Variants in ATP2B2 observed in about 807,000 individuals in gnomAD.
The protein encoded by ATP2B2 is ATPase plasma membrane Ca2+ transporting 2, also known as plasma membrane calcium-transporting ATPase 2.
A neutral mutation model predicts 120.0 loss-of-function variants in ATP2B2; 15 were observed. That is an observed-to-expected ratio of 0.12 (90% CI 0.08 to 0.19). The LOEUF (loss-of-function observed/expected upper bound fraction) is 0.19, where lower values mean the gene tolerates loss of function less well. Ranked by LOEUF, ATP2B2 falls within the 10% of genes least tolerant of loss-of-function variation. ATP2B2 has a pLI of 1.00. For missense variants in ATP2B2, 1,045 were observed against 1,719.8 expected (o/e 0.61, Z 6.94); for synonymous variants, 694 against 700.3 (o/e 0.99, Z 0.14).
At chr3:10,494,984 G>A (rs1417279376) in intron 1 of ATP2B2, among the ~76,000 whole-genome samples, 1 of 152,214 alleles carries the variant, frequency 6.6e-6, no homozygotes, top group Non-Finnish European at 1.5e-5. Flanking sequence ...GCTGGCAGGT[G>A]CTTAAGACAT....
At chr3:10,348,273 C>T (rs951457550) in intron 16 of ATP2B2, among the ~76,000 whole-genome samples, 6 of 152,310 alleles carry the variant, frequency 3.9e-5, no homozygotes, top group East Asian at 1.9e-4. Context: ...TTCTCAGACC[C>T]GCACCTGGCA....
chr3:10,383,385 C>A (rs2061585525), intron 8 of ATP2B2, among the ~76,000 whole-genome samples: 1 of 152,206 alleles, frequency 6.6e-6, no homozygotes, highest in South Asian at 2.1e-4. Context: ...AGGCTCTGAG[C>A]AGTCCTGTAA....
intron 1 of ATP2B2, among the ~76,000 whole-genome samples, chr3:10,652,849 A>C (rs191994733): frequency 6.6e-6 from 1 of 152,210 alleles, no homozygotes; most frequent in Non-Finnish European, 1.5e-5. Context: ...TCGCAAGAGG[A>C]CAAATACTGT....
In ATP2B2 at chr3:10,346,787, A is replaced by G. The variant is rs1436154636; in HGVS notation, c.2405-650T>C. On this transcript the variant is annotated intron_variant, in intron 16 of 22. Transcript: ENST00000360273. The surrounding 1 kb of genome is among the most constrained non-coding windows in gnomAD (Gnocchi z 4.1). ...GTGGAGTTTGTGGGACTCCTCATTC[A>G]TGGGGCTTGCGAGCAGGGATGTCCA... Among the ~76,000 whole-genome samples, 1 of 152,178 alleles carries G rather than the reference A, an allele frequency of 6.6e-6. No homozygotes were observed. Among genetic ancestry groups the G allele is most frequent in the Non-Finnish European group, 1.5e-5 (1 of 68,020 alleles).
chr3:10,553,889 G>A (rs746295079), intron 2 of ATP2B2, among the ~76,000 whole-genome samples: 8 of 152,002 alleles, frequency 5.3e-5, no homozygotes, highest in Admixed American at 2.0e-4. Flanking sequence ...CACTCAATAG[G>A]CATCCTTGAG....
At chr3:10,472,288 A>G (rs985483961) in intron 1 of ATP2B2, among the ~76,000 whole-genome samples, 1 of 152,124 alleles carries the variant, frequency 6.6e-6, no homozygotes, top group Non-Finnish European at 1.5e-5. Context: ...GTCTTTGGTC[A>G]AGGCACTGGT....
At chr3:10,417,264 G>C (rs935493633) in intron 2 of ATP2B2, among the ~76,000 whole-genome samples, 5 of 151,290 alleles carry the variant, frequency 3.3e-5, no homozygotes, top group African/African-American at 1.2e-4. Flanking sequence ...TCACTTCCCA[G>C]AGAGTGTGGG....
chr3:10,332,144 C>G, intron 22 of ATP2B2: 1 of 930,912 alleles, frequency 1.1e-6, no homozygotes, highest in South Asian at 1.4e-5. Flanking sequence ...AATTAGTTAC[C>G]AAAACGCTAA....
At position 10,346,036 on chromosome 3, in the gene ATP2B2, C is replaced by T. The variant is rs748989820; in HGVS notation, c.2506G>A (p.Ala836Thr). The change falls in exon 17 of 23, where the codon GCC becomes ACC. Residue 836 changes from alanine to threonine, a missense_variant. Ala to Thr is a moderately conservative substitution (Grantham distance 58, BLOSUM62 0). Transcript: ENST00000360273. The surrounding 1 kb of genome is among the most constrained non-coding windows in gnomAD (Gnocchi z 4.1). Reference sequence around the variant, plus strand: ...CCTCTGTGGGCCGTTCCTACCATGGCGAAGCCCACGTCGGCCTTCTTGAGT... The same window carrying T: ...CCTCTGTGGGCCGTTCCTACCATGGTGAAGCCCACGTCGGCCTTCTTGAGT... ...PALKKADVGF[A>T]MGIAGTDVAK... 3.1e-6 allele frequency: 5 copies of T among 1,611,184 alleles called. No homozygotes were observed. The highest frequency in any genetic ancestry group is 1.7e-5 in the Admixed American group (1 of 59,998).
chr3:10,346,222 G>T lies in ATP2B2; in HGVS notation c.2405-85C>A. The T allele has an allele frequency of 1.5e-6, 2 of 1,302,294 alleles. No individual in the cohort carries two copies. Among genetic ancestry groups the T allele is most frequent in the Non-Finnish European group, 2.2e-6 (2 of 918,754 alleles). 80.7% of individuals were successfully genotyped at this position (1,302,294 alleles called of 1,614,324 possible). ...AGCCCTGGTCCTCGGGAGGGGCCTG[G>T]CTGGGCATGGCTTCCTCTCTGGTCC... On this transcript the variant is annotated intron_variant, in intron 16 of 22. Coordinates refer to ENST00000360273, the MANE Select transcript of ATP2B2 (RefSeq NM_001001331.4). This position sits in a 1 kb window ranked among gnomAD's most constrained non-coding sequence, Gnocchi z 4.1.
At chr3:10,358,502 C>T (rs2060803668) in intron 14 of ATP2B2, among the ~76,000 whole-genome samples, 189 bp downstream of exon 14, 1 of 152,228 alleles carries the variant, frequency 6.6e-6, no homozygotes, top group Non-Finnish European at 1.5e-5. Flanking sequence ...TCTGGGCCGA[C>T]CCATGCCACA....
intron 2 of ATP2B2, among the ~76,000 whole-genome samples, chr3:10,440,140 C>CT (rs1402393577): frequency 7.3e-6 from 1 of 136,950 alleles, no homozygotes; most frequent in Non-Finnish European, 1.6e-5. Flanking sequence ...AGGAGTGTCT[C>CT]TGTCTCTGGT....
At position 10,402,140 on chromosome 3, in the gene ATP2B2, C is replaced by G. The variant is rs749812718; in HGVS notation, c.606G>C (p.Gln202His). Residue 202 changes from glutamine to histidine, a missense_variant, in exon 4 of 23, where the codon CAG (glutamine) becomes CAC (histidine). Gln to His is a conservative substitution (Grantham distance 24). Coordinates refer to ENST00000360273, the MANE Select transcript of ATP2B2 (RefSeq NM_001001331.4). The surrounding 1 kb of genome is among the most constrained non-coding windows in gnomAD (Gnocchi z 4.9). The part of the protein sequence containing the change: ...FTVVRAGQVV[Q>H]IPVAEIVVGD... ...CAACCACGATCTCAGCCACAGGGATCTGGACCACCTGGCCAGCCCGGACCA... is the reference window on the plus strand; with the variant it reads ...CAACCACGATCTCAGCCACAGGGATGTGGACCACCTGGCCAGCCCGGACCA... 6.2e-6 allele frequency: 10 copies of G among 1,614,202 alleles called. No homozygotes were observed. The highest frequency in any genetic ancestry group is 8.5e-6 in the Non-Finnish European group (10 of 1,180,050).
At position 10,335,833 on chromosome 3, in the gene ATP2B2, A is replaced by G. The variant is rs554777884; in HGVS notation, c.3420+2343T>C. Among the ~76,000 whole-genome samples, 3 of 152,074 alleles carry G rather than the reference A, an allele frequency of 2.0e-5. No individual in the cohort carries two copies. The South Asian group carries it at 6.2e-4, about 32-fold the overall frequency. On this transcript the variant is annotated intron_variant, in intron 22 of 22. Coordinates refer to ENST00000360273, the MANE Select transcript of ATP2B2 (RefSeq NM_001001331.4). ...TGCCGGGACCCTGTGGTGGGTTGGG[A>G]CCATTTGGTCACTGATGTCCTCTTG...
intron 1 of ATP2B2, among the ~76,000 whole-genome samples, chr3:10,657,248 T>C (rs1168473435): frequency 6.6e-6 from 1 of 152,198 alleles, no homozygotes; most frequent in Non-Finnish European, 1.5e-5. Context: ...CAGTGCCTTT[T>C]ACACCCCTGT....
intron 1 of ATP2B2, among the ~76,000 whole-genome samples, chr3:10,465,482 C>T (rs1171165789): frequency 6.6e-6 from 1 of 152,252 alleles, no homozygotes; most frequent in Non-Finnish European, 1.5e-5. Flanking sequence ...CATCCTTCTG[C>T]ATTTCAAAAT....
chr3:10,361,495 G>T (rs2060897793), intron 12 of ATP2B2, among the ~76,000 whole-genome samples: 1 of 152,112 alleles, frequency 6.6e-6, no homozygotes, highest in African/African-American at 2.4e-5. Context: ...CACAGTCTTT[G>T]GCACCTGCTT....
At chr3:10,621,773 T>C (rs1221296030) in intron 1 of ATP2B2, among the ~76,000 whole-genome samples, 3 of 152,246 alleles carry the variant, frequency 2.0e-5, no homozygotes, top group East Asian at 1.9e-4. Flanking sequence ...GGCACTGCTA[T>C]TACTCCCACA....
At chr3:10,655,426 A>G (rs950644502) in intron 1 of ATP2B2, among the ~76,000 whole-genome samples, 7 of 152,214 alleles carry the variant, frequency 4.6e-5, no homozygotes, top group Non-Finnish European at 1.0e-4. Context: ...GACCAAGTAA[A>G]TTCTATTTTG....
Sources: allele counts gnomAD v4.1 joint callset (sites outside exome capture counted in the v4.1 genomes callset), GRCh38; gene constraint gnomAD v4.1.1; non-coding constraint Gnocchi (gnomAD v3.1); transcripts MANE v1.5; gene names NCBI Gene and HGNC (gene_info 2026-07-23, HGNC 2026-07-21).